The following CCSER1 variants were observed in gnomAD, a reference collection of about 807,000 sequenced individuals.
CCSER1 encodes the protein coiled-coil serine rich protein 1, also known as serine-rich coiled-coil domain-containing protein 1.
In CCSER1, 41 loss-of-function variants were observed where a neutral mutation model predicts 82.0. That is an observed-to-expected ratio of 0.50 (90% CI 0.39 to 0.65). The LOEUF (loss-of-function observed/expected upper bound fraction) is 0.65, where lower values mean the gene tolerates loss of function less well. CCSER1 is among the 30% of genes least tolerant of loss of function. CCSER1 has a pLI of 0.00. For synonymous variants in CCSER1, 414 were observed against 383.9 expected (o/e 1.08, Z -0.92); for missense variants, 1,119 against 1,064.2 (o/e 1.05, Z -0.72).
intron 8 of CCSER1, among the ~76,000 whole-genome samples, chr4:90,824,345 C>A (rs1366568511): frequency 6.6e-6 from 1 of 151,788 alleles, no homozygotes; most frequent in Non-Finnish European, 1.5e-5. Flanking sequence ...AAACATGGGA[C>A]TGAATAAAGG....
chr4:90,786,230 A>G (rs1193984825), intron 7 of CCSER1, among the ~76,000 whole-genome samples: 2 of 152,210 alleles, frequency 1.3e-5, no homozygotes, highest in African/African-American at 2.4e-5. Context: ...AAACTGATAG[A>G]GGAGAAAAGG....
At chr4:90,592,375 AT>A (rs926339910) in intron 5 of CCSER1, among the ~76,000 whole-genome samples, 86 of 151,918 alleles carry the variant, frequency 5.7e-4, no homozygotes, top group African/African-American at 1.3e-3. Context: ...GTATTCATTC[AT>A]TTTTTTTGTG....
chr4:90,484,491 A>G (rs1022442361), intron 5 of CCSER1, among the ~76,000 whole-genome samples: 3 of 151,904 alleles, frequency 2.0e-5, no homozygotes, highest in Non-Finnish European at 2.9e-5. Flanking sequence ...TTTTTTCCCC[A>G]TCTTTGTGGT....
chr4:90,380,829 A>G (rs1749084501), intron 3 of CCSER1, among the ~76,000 whole-genome samples: 1 of 152,178 alleles, frequency 6.6e-6, no homozygotes, highest in African/African-American at 2.4e-5. Context: ...ATTAATAGTT[A>G]ATTCATTTAA....
At chr4:90,198,393 A>G (rs1204820654) in intron 1 of CCSER1, among the ~76,000 whole-genome samples, 1 of 152,214 alleles carries the variant, frequency 6.6e-6, no homozygotes, top group Non-Finnish European at 1.5e-5. Context: ...GCCAGGAACC[A>G]GAGGCAGACA....
intron 1 of CCSER1, among the ~76,000 whole-genome samples, chr4:90,225,430 A>G (rs987712281): frequency 2.0e-5 from 3 of 152,192 alleles, no homozygotes; most frequent in South Asian, 2.1e-4. Context: ...AAAATGGAAA[A>G]ACAAGCAACC....
At chr4:90,303,771 C>G (rs549194662) in intron 1 of CCSER1, among the ~76,000 whole-genome samples, 1 of 152,244 alleles carries the variant, frequency 6.6e-6, no homozygotes, top group South Asian at 2.1e-4. Flanking sequence ...ACACCAAAAA[C>G]AATGGCAACA....
At chr4:90,172,619 A>G (rs191319457) in intron 1 of CCSER1, among the ~76,000 whole-genome samples, 1 of 151,946 alleles carries the variant, frequency 6.6e-6, no homozygotes, top group Non-Finnish European at 1.5e-5. Context: ...GAGAGAGTAA[A>G]CAGCTTTTCC....
intron 9 of CCSER1, among the ~76,000 whole-genome samples, chr4:91,028,023 A>G (rs1740641972): frequency 6.6e-6 from 1 of 152,040 alleles, no homozygotes; most frequent in Non-Finnish European, 1.5e-5. Flanking sequence ...AGAAACTACA[A>G]TATGTATAAA....
At chr4:90,758,034 G>A (rs1208306215) in intron 7 of CCSER1, among the ~76,000 whole-genome samples, 1 of 150,654 alleles carries the variant, frequency 6.6e-6, no homozygotes, top group Non-Finnish European at 1.5e-5. Context: ...CACCTCCCAA[G>A]TTCAAGCGAT....
At chr4:91,090,987 C>T (rs183567943) in intron 10 of CCSER1, among the ~76,000 whole-genome samples, 1 of 152,230 alleles carries the variant, frequency 6.6e-6, no homozygotes, top group East Asian at 1.9e-4. Context: ...GCTTCCTTTC[C>T]CTTTTTGGAG....
At chr4:90,510,225 T>C (rs537836749) in intron 5 of CCSER1, among the ~76,000 whole-genome samples, 71 of 152,312 alleles carry the variant, frequency 4.7e-4, no homozygotes, top group African/African-American at 1.5e-3. Context: ...AACTCTATTC[T>C]TTTAGGTATT....
intron 10 of CCSER1, among the ~76,000 whole-genome samples, chr4:91,323,800 G>C (rs1420406086): frequency 6.6e-6 from 1 of 152,118 alleles, no homozygotes; most frequent in Non-Finnish European, 1.5e-5. Context: ...AGTTCCATGG[G>C]GAATTTCTTG....
intron 10 of CCSER1, among the ~76,000 whole-genome samples, chr4:91,596,527 A>G (rs1764588033): frequency 6.6e-6 from 1 of 152,068 alleles, no homozygotes. Flanking sequence ...AAATAAACAT[A>G]TAAGTTTACA....
chr4:90,319,293 C>T (rs898813293), intron 3 of CCSER1, among the ~76,000 whole-genome samples: 1 of 152,116 alleles, frequency 6.6e-6, no homozygotes, highest in African/African-American at 2.4e-5. Flanking sequence ...TCCCACTGGG[C>T]TCATTTGGTA....
chr4:91,532,025 C>G (rs1255155525), intron 10 of CCSER1, among the ~76,000 whole-genome samples: 1 of 152,142 alleles, frequency 6.6e-6, no homozygotes, highest in Non-Finnish European at 1.5e-5. Flanking sequence ...CAAACAATGA[C>G]ATATTATAGC....
At chr4:91,060,852 C>T (rs933721936) in intron 9 of CCSER1, among the ~76,000 whole-genome samples, 5 of 152,004 alleles carry the variant, frequency 3.3e-5, no homozygotes, top group African/African-American at 9.7e-5. Context: ...TTCACATATT[C>T]TCTCAGGGAC....
intron 8 of CCSER1, among the ~76,000 whole-genome samples, chr4:90,833,787 A>C (rs1761437101): frequency 6.6e-6 from 1 of 152,156 alleles, no homozygotes; most frequent in South Asian, 2.1e-4. Flanking sequence ...CCCCAATGCA[A>C]CTTTGTTGGG....
chr4:90,987,064 C>T (rs1180353871), intron 9 of CCSER1, among the ~76,000 whole-genome samples: 1 of 151,578 alleles, frequency 6.6e-6, no homozygotes, highest in African/African-American at 2.4e-5. Context: ...TGTCCATGAG[C>T]CCATGCAATC....
Sources: allele counts gnomAD v4.1 joint callset (sites outside exome capture counted in the v4.1 genomes callset), GRCh38; gene constraint gnomAD v4.1.1; transcripts MANE v1.5; gene names NCBI Gene and HGNC (gene_info 2026-07-23, HGNC 2026-07-21).